The following SLC25A24 variants were observed in gnomAD, a reference collection of about 807,000 sequenced individuals.
SLC25A24 encodes solute carrier family 25 member 24.
SLC25A24 carries 49 observed loss-of-function variants against 60.7 expected under a neutral mutation model. That is an observed-to-expected ratio of 0.81 (90% CI 0.64 to 1.02). The LOEUF (loss-of-function observed/expected upper bound fraction) is 1.02. SLC25A24 is among the 50% of genes least tolerant of loss of function. The pLI is 0.00. For missense variants in SLC25A24, 564 were observed against 586.3 expected (o/e 0.96, Z 0.39); for synonymous variants, 202 against 200.6 (o/e 1.01, Z -0.06).
intron 3 of SLC25A24, among the ~76,000 whole-genome samples, chr1:108,179,078 C>A (rs1192459236): frequency 6.6e-6 from 1 of 150,664 alleles, no homozygotes; most frequent in East Asian, 1.9e-4. Context: ...AACCAAAAAA[C>A]CCCAATAGAC....
chr1:108,190,550 T>G (rs12401933), intron 1 of SLC25A24, among the ~76,000 whole-genome samples: 6 of 152,316 alleles, frequency 3.9e-5, no homozygotes, highest in Admixed American at 3.9e-4. Context: ...TTTTTATTTA[T>G]GGTCTGACCA....
chr1:108,179,848 G>T (rs575456047), intron 3 of SLC25A24, among the ~76,000 whole-genome samples: 1 of 152,000 alleles, frequency 6.6e-6, no homozygotes, highest in Non-Finnish European at 1.5e-5. Flanking sequence ...AAAATACTAA[G>T]AGAATGGATG....
intron 5 of SLC25A24, among the ~76,000 whole-genome samples, chr1:108,156,956 A>C (rs1234889380): frequency 6.6e-6 from 1 of 152,218 alleles, no homozygotes; most frequent in Non-Finnish European, 1.5e-5. Context: ...CAGTGAGCAA[A>C]TACATATTAA....
chr1:108,151,195 C>T (rs1679745915), intron 6 of SLC25A24, among the ~76,000 whole-genome samples: 1 of 151,796 alleles, frequency 6.6e-6, no homozygotes, highest in African/African-American at 2.4e-5. Flanking sequence ...AGTGAGACTC[C>T]ATCTCAAAAA....
chr1:108,174,995 C>T (rs994581661), intron 3 of SLC25A24, among the ~76,000 whole-genome samples: 1 of 152,084 alleles, frequency 6.6e-6, no homozygotes, highest in South Asian at 2.1e-4. Context: ...AAGGGACTTG[C>T]CTTGTCTCTG....
At position 108,136,846 on chromosome 1, in the gene SLC25A24, T is replaced by C. The variant is rs770685399; in HGVS notation, c.1250-9A>G. ...GGAACCTTCTAACATGGCTAAAAAATAAAAAAAGAGGGTAATTTAATATTC... is the reference window on the plus strand; with the variant it reads ...GGAACCTTCTAACATGGCTAAAAAACAAAAAAAGAGGGTAATTTAATATTC... On this transcript the variant is annotated splice_polypyrimidine_tract_variant and intron_variant, in intron 9 of 9. Transcript: ENST00000565488. The C allele has an allele frequency of 3.1e-6, 5 of 1,603,740 alleles. No homozygotes were observed. Among genetic ancestry groups the C allele is most frequent in the South Asian group, 1.1e-5 (1 of 89,482 alleles).
intron 6 of SLC25A24, among the ~76,000 whole-genome samples, chr1:108,151,989 T>C (rs2101608282): frequency 6.6e-6 from 1 of 152,340 alleles, no homozygotes; most frequent in East Asian, 1.9e-4. Context: ...CATCACCTTA[T>C]ACTGGTGTTC....
intron 3 of SLC25A24, among the ~76,000 whole-genome samples, chr1:108,166,796 G>C (rs907774950): frequency 1.3e-5 from 2 of 152,202 alleles, no homozygotes; most frequent in Non-Finnish European, 2.9e-5. Flanking sequence ...CAGCTCGTCA[G>C]AGTCATTCTC....
intron 3 of SLC25A24, among the ~76,000 whole-genome samples, chr1:108,163,939 A>G (rs1487042601): frequency 6.6e-6 from 1 of 152,186 alleles, no homozygotes; most frequent in East Asian, 1.9e-4. Context: ...TGTCATAGAT[A>G]GCTGTTATTA....
At chr1:108,154,177 C>A (rs1043520107) in intron 6 of SLC25A24, among the ~76,000 whole-genome samples, 1 of 147,970 alleles carries the variant, frequency 6.8e-6, no homozygotes, top group South Asian at 2.1e-4. Context: ...ACAAAACACT[C>A]TCCAGAATAA....
At chr1:108,138,196 G>A (rs11185281) in intron 9 of SLC25A24, among the ~76,000 whole-genome samples, 50,573 of 152,040 alleles carry the variant, frequency 0.33, 9,270 homozygotes, top group Middle Eastern at 0.48. Context: ...TACACTGGCG[G>A]GGCCACACCT....
intron 3 of SLC25A24, among the ~76,000 whole-genome samples, chr1:108,165,835 TATG>T (rs1380684245): frequency 6.6e-6 from 1 of 152,192 alleles, no homozygotes; most frequent in Admixed American, 6.5e-5. Flanking sequence ...ATCCTGTCAT[TATG>T]ATGTTAGCTG....
chr1:108,138,234 T>C (rs1208633585), intron 9 of SLC25A24, among the ~76,000 whole-genome samples: 1 of 152,206 alleles, frequency 6.6e-6, no homozygotes, highest in African/African-American at 2.4e-5. Flanking sequence ...ACCCCTAGCA[T>C]CTGGCAGTGT....
At chr1:108,162,742 G>A (rs1426950407) in intron 3 of SLC25A24, among the ~76,000 whole-genome samples, 1 of 151,948 alleles carries the variant, frequency 6.6e-6, no homozygotes, top group Non-Finnish European at 1.5e-5. Context: ...CATTTTGGAG[G>A]TTGCCTGTTC....
At chr1:108,146,929 TA>T (rs1416443152) in intron 7 of SLC25A24, among the ~76,000 whole-genome samples, 1 of 152,240 alleles carries the variant, frequency 6.6e-6, no homozygotes, top group Non-Finnish European at 1.5e-5. Context: ...GCTGCCCTCA[TA>T]AAATGAGTTA....
At chr1:108,152,289 A>G (rs948785587) in intron 6 of SLC25A24, among the ~76,000 whole-genome samples, 1 of 152,140 alleles carries the variant, frequency 6.6e-6, no homozygotes, top group African/African-American at 2.4e-5. Context: ...CTCTTCAGTG[A>G]GTGATGCCTT....
rs1240043051 is a variant in SLC25A24, at chr1:108,185,723, A to C, written c.310+105T>G. On this transcript the variant is annotated intron_variant, in intron 2 of 9. Coordinates refer to ENST00000565488, the MANE Select transcript of SLC25A24 (RefSeq NM_013386.5). ...AAAAAAAGTATTAACACAAATAATA[A>C]TTATCATCTAAAACCAGAGAGATTA... 7 of 823,770 alleles carry C rather than the reference A, an allele frequency of 8.5e-6. No individual in the cohort carries two copies. In the African/African-American group the frequency reaches 1.3e-4, roughly 15 times the overall value. 51.0% of individuals were successfully genotyped at this position (823,770 alleles called of 1,614,324 possible). A position where few individuals can be genotyped will look rare whatever the true frequency, so the allele number is the denominator to read the frequency against.
rs1373631948 is a variant in SLC25A24 at position 108,200,094 on chromosome 1, G to C, written c.45C>G (p.Cys15Trp). ...AGCGCGTCGGCTGCTCCGCGTCCTG[G>C]CAGGCCGCGGTGGGCAGCACGAAGT... ...LRDFVLPTAACQDAEQPTRYE... is the reference protein window; with the variant it reads ...LRDFVLPTAAWQDAEQPTRYE... Residue 15 changes from cysteine to tryptophan, a missense_variant, in exon 1 of 10, where the codon TGC becomes TGG. Transcript: ENST00000565488. 1 of 1,575,602 alleles carries C rather than the reference G, an allele frequency of 6.3e-7. No homozygotes were observed. Among genetic ancestry groups the C allele is most frequent in the Non-Finnish European group, 8.6e-7 (1 of 1,161,472 alleles).
rs1558012258 is a variant in SLC25A24, at chr1:108,154,972, A to G, written c.822+11T>C. 13 of 1,595,390 alleles carry G rather than the reference A, an allele frequency of 8.1e-6. No individual in the cohort carries two copies. In the East Asian group the frequency reaches 2.9e-4, roughly 36 times the overall value. ...TCTTTGTTAATAAATTCCACGGGTG[A>G]TAACAATTACCTGTTCATATGCCCA... is the stretch of plus-strand genomic sequence containing the variant. On this transcript the variant is annotated intron_variant, in intron 6 of 9. Coordinates refer to ENST00000565488, the MANE Select transcript of SLC25A24 (RefSeq NM_013386.5).
Sources: allele counts gnomAD v4.1 joint callset (sites outside exome capture counted in the v4.1 genomes callset), GRCh38; gene constraint gnomAD v4.1.1; transcripts MANE v1.5; gene names NCBI Gene and HGNC (gene_info 2026-07-23, HGNC 2026-07-21).